Variants in SMARCC1 observed in about 807,000 individuals in gnomAD.
SMARCC1 encodes SWI/SNF complex subunit SMARCC1.
Under a neutral mutation model 147.4 loss-of-function variants are expected in SMARCC1, and 43 were observed. That is an observed-to-expected ratio of 0.29 (90% CI 0.23 to 0.38). SMARCC1 has a LOEUF of 0.38. SMARCC1 is among the 10% of genes least tolerant of loss of function. The pLI is 1.00. For synonymous variants in SMARCC1, 495 were observed against 484.4 expected, an observed-to-expected ratio of 1.02 and a Z score of -0.29; for missense variants, 1,119 against 1,381.1, an observed-to-expected ratio of 0.81 and a Z score of 3.01.
intron 25 of SMARCC1, among the ~76,000 whole-genome samples, chr3:47,617,967 C>A (rs2032669806): frequency 6.6e-6 from 1 of 152,138 alleles, no homozygotes; most frequent in Admixed American, 6.5e-5. Flanking sequence ...AAATCACTTA[C>A]TCAGAAACCA....
intron 19 of SMARCC1, among the ~76,000 whole-genome samples, chr3:47,663,062 G>C: frequency 7.1e-6 from 1 of 140,196 alleles, no homozygotes; most frequent in Non-Finnish European, 1.6e-5. Flanking sequence ...GGCGGCAAGA[G>C]TGATAGAAAG....
At chr3:47,635,435 G>A in intron 23 of SMARCC1, 91 bp from the exon 24 acceptor site, 3 of 1,119,258 alleles carry the variant, frequency 2.7e-6, no homozygotes, top group Non-Finnish European at 3.9e-6. Context: ...AACTAGGACT[G>A]ATATGACAAA....
intron 11 of SMARCC1, among the ~76,000 whole-genome samples, chr3:47,696,082 G>T (rs930646876): frequency 1.4e-5 from 2 of 146,012 alleles, no homozygotes; most frequent in African/African-American, 2.5e-5. Flanking sequence ...AAAAAAGGGG[G>T]GGGGGGGGCC....
chr3:47,694,417 A>C (rs113204396), intron 11 of SMARCC1, among the ~76,000 whole-genome samples: 117 of 152,238 alleles, frequency 7.7e-4, no homozygotes, highest in Middle Eastern at 6.8e-3. Flanking sequence ...CTTGGCCAAC[A>C]TGGTGAAATT....
intron 10 of SMARCC1, among the ~76,000 whole-genome samples, chr3:47,705,391 T>C (rs2033980198): frequency 1.3e-5 from 2 of 151,984 alleles, no homozygotes; most frequent in East Asian, 1.9e-4. Flanking sequence ...GAAAAATCTA[T>C]TTTTATAATT....
intron 10 of SMARCC1, among the ~76,000 whole-genome samples, 186 bp downstream of exon 10, chr3:47,706,223 C>G (rs114801135): frequency 6.6e-6 from 1 of 151,966 alleles, no homozygotes; most frequent in Admixed American, 6.6e-5. Context: ...AGGCGTGCAC[C>G]ACCGTGCCCA....
At chr3:47,588,672 T>C (rs2032119591) in intron 27 of SMARCC1, among the ~76,000 whole-genome samples, 1 of 151,764 alleles carries the variant, frequency 6.6e-6, no homozygotes, top group South Asian at 2.1e-4. Context: ...AGCTCCTTCC[T>C]GGGACAGTTC....
intron 7 of SMARCC1, among the ~76,000 whole-genome samples, chr3:47,715,050 C>T (rs913565922): frequency 6.6e-6 from 1 of 152,108 alleles, no homozygotes; most frequent in African/African-American, 2.4e-5. Flanking sequence ...CTTATATTCA[C>T]CAGCCTCTCT....
intron 1 of SMARCC1, 97 bp downstream of exon 1, chr3:47,781,506 G>C: frequency 1.2e-6 from 1 of 851,476 alleles, no homozygotes. Context: ...CCCTCGTGGC[G>C]TGCGGGGGGG....
At chr3:47,677,189 T>C (rs1211766950) in intron 16 of SMARCC1, among the ~76,000 whole-genome samples, 1 of 152,168 alleles carries the variant, frequency 6.6e-6, no homozygotes, top group African/African-American at 2.4e-5. Context: ...CTCCTCCGCA[T>C]CCTTGGTTCA....
At chr3:47,771,418 G>A (rs1047869366) in intron 2 of SMARCC1, among the ~76,000 whole-genome samples, 1 of 152,160 alleles carries the variant, frequency 6.6e-6, no homozygotes, top group Non-Finnish European at 1.5e-5. Context: ...GCTAGTATTT[G>A]TAAAATCAGA....
chr3:47,588,198 C>A lies in SMARCC1; in HGVS notation c.*11G>T. 6.2e-7 allele frequency: 1 copy of A among 1,606,632 alleles called. No homozygotes were observed. The highest frequency in any genetic ancestry group is 8.5e-7 in the Non-Finnish European group (1 of 1,174,164). ...TGGTGGTGGGCGTGGAGGTTCCCTG[C>A]ATCTTCCAGGCTAAGGAGCAGCTGA... On this transcript the variant is annotated 3_prime_UTR_variant, in exon 28 of 28. Coordinates refer to ENST00000254480, the MANE Select transcript of SMARCC1 (RefSeq NM_003074.4).
intron 14 of SMARCC1, among the ~76,000 whole-genome samples, chr3:47,683,534 G>C (rs2033680604): frequency 6.6e-6 from 1 of 152,058 alleles, no homozygotes; most frequent in South Asian, 2.1e-4. Flanking sequence ...GGTAATCATT[G>C]AGAGCAGGCA....
intron 25 of SMARCC1, among the ~76,000 whole-genome samples, chr3:47,615,227 T>C (rs892479688): frequency 6.6e-6 from 1 of 152,254 alleles, no homozygotes; most frequent in Non-Finnish European, 1.5e-5. Flanking sequence ...AATTCACTCA[T>C]GGTTTCTAAT....
chr3:47,733,863 CAAA>C (rs35679222), intron 5 of SMARCC1, among the ~76,000 whole-genome samples: 12 of 72,398 alleles, frequency 1.7e-4, no homozygotes, highest in Non-Finnish European at 2.4e-4. Flanking sequence ...GACTCTGTCT[CAAA>C]AAAAAAAAAA....
chr3:47,635,387 G>C (rs182958920), intron 23 of SMARCC1, 43 bp from the exon 24 acceptor site: 1 of 1,565,690 alleles, frequency 6.4e-7, no homozygotes, highest in Non-Finnish European at 8.7e-7. Context: ...GCCCACTCTC[G>C]AAAACCCATC....
intron 13 of SMARCC1, 35 bp downstream of exon 13, chr3:47,689,352 A>T (rs1183894543): frequency 1.3e-6 from 2 of 1,574,450 alleles, no homozygotes; most frequent in Admixed American, 1.7e-5. Context: ...ACCCTTAGAG[A>T]AGCTCTCTCA....
intron 11 of SMARCC1, among the ~76,000 whole-genome samples, chr3:47,696,318 G>A (rs1026995822): frequency 4.6e-5 from 7 of 151,966 alleles, no homozygotes; most frequent in Non-Finnish European, 8.8e-5. Flanking sequence ...AGGTTGCAGT[G>A]AGCTGAGATT....
chr3:47,646,637 A>C (rs2033123944), intron 21 of SMARCC1, among the ~76,000 whole-genome samples: 1 of 152,230 alleles, frequency 6.6e-6, no homozygotes. Flanking sequence ...CTTTAATATA[A>C]GTGTGTAATA....
Sources: allele counts gnomAD v4.1 joint callset (sites outside exome capture counted in the v4.1 genomes callset), GRCh38; gene constraint gnomAD v4.1.1; transcripts MANE v1.5; gene names NCBI Gene and HGNC (gene_info 2026-07-23, HGNC 2026-07-21).